Variants in SCFD1 observed in about 807,000 individuals in gnomAD.
SCFD1 encodes sec1 family domain containing 1.
In SCFD1, 37 loss-of-function variants were observed where a neutral mutation model predicts 103.2. The observed-to-expected ratio is 0.36, with a 90% CI of 0.28 to 0.47. SCFD1 has a LOEUF of 0.47. Ranked by LOEUF, SCFD1 falls within the 20% of genes least tolerant of loss-of-function variation. The pLI, the probability that SCFD1 is intolerant of heterozygous loss-of-function variation, is 1.00. For synonymous variants in SCFD1, 264 were observed against 245.0 expected (o/e 1.08, Z -0.73); for missense variants, 639 against 761.2 (o/e 0.84, Z 1.89).
At chr14:30,661,386 G>A (rs1887438181) in intron 10 of SCFD1, among the ~76,000 whole-genome samples, 1 of 152,126 alleles carries the variant, frequency 6.6e-6, no homozygotes, top group Admixed American at 6.6e-5. Flanking sequence ...ATGACTGGGA[G>A]TTTTGTTTCT....
At chr14:30,661,905 T>A (rs1887488155) in intron 10 of SCFD1, among the ~76,000 whole-genome samples, 1 of 152,172 alleles carries the variant, frequency 6.6e-6, no homozygotes, top group African/African-American at 2.4e-5. Context: ...AACCCTGATA[T>A]ATTAGTCTGT....
intron 7 of SCFD1, 61 bp downstream of exon 7, chr14:30,643,466 T>A (rs1885493559): frequency 1.8e-6 from 2 of 1,108,066 alleles, no homozygotes; most frequent in Non-Finnish European, 2.8e-6. Flanking sequence ...GTAATTTTAA[T>A]GTATTACACT....
intron 1 of SCFD1, among the ~76,000 whole-genome samples, chr14:30,625,616 CCTATATAGGTATAGGTA>C (rs2138971119): frequency 1.5e-5 from 1 of 67,166 alleles, no homozygotes; most frequent in South Asian, 4.2e-4. Flanking sequence ...TATAGGTATA[CCTATATAGGTATAGGTA>C]TATAGGCATA....
rs188358852 is a variant in SCFD1, at chr14:30,653,004, A to C, written c.756-485A>C. 3.7e-3 allele frequency among the ~76,000 whole-genome samples: 559 copies of C among 152,250 alleles called. 7 individuals carry two copies. Among genetic ancestry groups the C allele is most frequent in the African/African-American group, 0.013 (529 of 41,534 alleles). The stretch of plus-strand genomic sequence containing the variant: ...AACCTGGGTGACAGAGTCTCAAAAA[A>C]AAAAATAAAGTTTCCTAAGTAAAAT... On this transcript the variant is annotated intron_variant, in intron 9 of 24. Transcript: ENST00000458591.
In SCFD1 at chr14:30,721,938, C is replaced by A. The variant is rs764463865; in HGVS notation, c.1770+21C>A. The A allele has an allele frequency of 2.5e-6, 4 of 1,576,948 alleles. No homozygotes were observed. The African/African-American group carries it at 4.1e-5, about 16-fold the overall frequency. ...AAGAGGTAAGTTTCATATAAAAATT[C>A]TCTGTTCCTAGAAAGGGAAGATGAA... On this transcript the variant is annotated intron_variant, in intron 22 of 24. Transcript: ENST00000458591.
At chr14:30,692,773 A>G (rs1445180750) in intron 14 of SCFD1, among the ~76,000 whole-genome samples, 1 of 152,142 alleles carries the variant, frequency 6.6e-6, no homozygotes, top group Non-Finnish European at 1.5e-5. Context: ...TCCATTCCTG[A>G]CTTCACTCTG....
chr14:30,664,490 C>T (rs1388489427), intron 10 of SCFD1, among the ~76,000 whole-genome samples: 1 of 152,158 alleles, frequency 6.6e-6, no homozygotes, highest in Admixed American at 6.5e-5. Context: ...AGCGCCCCTT[C>T]TTCTCCAAAG....
intron 4 of SCFD1, chr14:30,634,969 T>G: frequency 2.2e-6 from 1 of 455,930 alleles, no homozygotes; most frequent in Non-Finnish European, 4.4e-6. Context: ...TTTAGATGAG[T>G]CACCCCAAAG....
chr14:30,634,136 T>G, intron 4 of SCFD1, 99 bp downstream of exon 4: 1 of 640,148 alleles, frequency 1.6e-6, no homozygotes, highest in Non-Finnish European at 2.7e-6. Context: ...CAGAAATTCC[T>G]ATGCCTACTT....
intron 17 of SCFD1, among the ~76,000 whole-genome samples, chr14:30,702,716 G>A (rs940618527): frequency 6.6e-5 from 10 of 152,100 alleles, no homozygotes; most frequent in Non-Finnish European, 1.2e-4. Context: ...TAATGCAAAT[G>A]TTTAGAAAAT....
chr14:30,646,806 T>C lies in SCFD1; in HGVS notation c.614-2722T>C, dbSNP rs566596583. Among the ~76,000 whole-genome samples, 30 of 152,328 alleles carry C rather than the reference T, an allele frequency of 2.0e-4. 1 individual carries two copies. The South Asian group carries it at 5.8e-3, about 29-fold the overall frequency. On this transcript the variant is annotated intron_variant, in intron 7 of 24. Coordinates refer to ENST00000458591, the MANE Select transcript of SCFD1 (RefSeq NM_016106.4). ...CTGATTCAGTTTTGGAATTTGTTATTCCAGAACTTCAGTTTCTTCCTTGTT... is the reference window on the plus strand; with the variant it reads ...CTGATTCAGTTTTGGAATTTGTTATCCCAGAACTTCAGTTTCTTCCTTGTT...
Position 30,622,340 on chromosome 14 carries a change from TGGC to T in SCFD1, c.15_17del (p.Ala7?), listed in dbSNP as rs747473312. On this transcript the variant is annotated start_lost and inframe_deletion, in exon 1 of 25. Transcript: ENST00000458591. ...GGGCAGTGGCTCGTGGGAGCCAAGA[TGGC>T]GGCGGCGGCGGCAGCGACAGCAGCA... 41 of 1,576,308 alleles carry T rather than the reference TGGC, an allele frequency of 2.6e-5. No homozygotes were observed. Among genetic ancestry groups the T allele is most frequent in the Non-Finnish European group, 3.1e-5 (36 of 1,162,068 alleles).
chr14:30,732,560 A>G (rs1197907837), intron 23 of SCFD1, among the ~76,000 whole-genome samples: 3 of 152,218 alleles, frequency 2.0e-5, no homozygotes, highest in African/African-American at 7.2e-5. Flanking sequence ...CCTATTAAGA[A>G]GGAACTGAGC....
intron 14 of SCFD1, 43 bp from the exon 15 acceptor site, chr14:30,694,730 T>A (rs775759329): frequency 2.0e-5 from 31 of 1,539,580 alleles, no homozygotes; most frequent in Non-Finnish European, 2.4e-5. Context: ...TTATGTATTT[T>A]AATGACTTAA....
intron 14 of SCFD1, among the ~76,000 whole-genome samples, chr14:30,675,787 G>C (rs1299480701): frequency 1.3e-5 from 2 of 152,184 alleles, no homozygotes; most frequent in Admixed American, 1.3e-4. Flanking sequence ...GGCTGTCAGA[G>C]AAGTTGATAA....
At chr14:30,647,491 G>T (rs1288614492) in intron 7 of SCFD1, among the ~76,000 whole-genome samples, 2 of 151,898 alleles carry the variant, frequency 1.3e-5, no homozygotes, top group Admixed American at 6.6e-5. Context: ...CAGGAGAAAA[G>T]CTGGTTAAAA....
intron 6 of SCFD1, among the ~76,000 whole-genome samples, chr14:30,641,221 A>C (rs1885239851): frequency 6.6e-6 from 1 of 152,174 alleles, no homozygotes; most frequent in Non-Finnish European, 1.5e-5. Flanking sequence ...AAATATTCCT[A>C]AATATGATTA....
chr14:30,683,270 C>T lies in SCFD1; in HGVS notation c.1242+8205C>T. 2.9e-6 allele frequency: 3 copies of T among 1,019,862 alleles called. No homozygotes were observed. In the South Asian group the frequency reaches 4.7e-5, roughly 16 times the overall value. The allele number at this position is 1,019,862 out of a possible 1,614,324, so 63.2% of individuals were successfully genotyped here. Reference sequence around the variant, plus strand: ...TTCAGGATGTCCAGGCATATGTTACCCTGGGTGTCCACACTGGGATAGTAG... The same window carrying T: ...TTCAGGATGTCCAGGCATATGTTACTCTGGGTGTCCACACTGGGATAGTAG... On this transcript the variant is annotated intron_variant, in intron 14 of 24. Transcript: ENST00000458591.
intron 14 of SCFD1, among the ~76,000 whole-genome samples, chr14:30,681,822 T>C (rs911287932): frequency 2.6e-5 from 4 of 152,148 alleles, no homozygotes; most frequent in Admixed American, 2.0e-4. Flanking sequence ...GTAATTAATA[T>C]CAGTTACCCT....
Sources: gnomAD v4.1 joint callset for allele counts (sites outside exome capture counted in the v4.1 genomes callset) on GRCh38, gnomAD v4.1.1 for gene constraint, MANE v1.5 for transcripts, NCBI Gene and HGNC (gene_info 2026-07-23, HGNC 2026-07-21) for gene names.